HMGCLL1: variants seen among roughly 807,000 people sequenced by gnomAD.
HMGCLL1 encodes the protein 3-hydroxy-3-methylglutaryl-CoA lyase like 1.
Under a neutral mutation model 39.1 loss-of-function variants are expected in HMGCLL1, and 36 were observed. The ratio of observed to expected loss-of-function variants is 0.92; its 90% CI spans 0.71 to 1.22. The LOEUF (loss-of-function observed/expected upper bound fraction) is 1.22. HMGCLL1 is among the 50% of genes most tolerant of loss of function. The pLI is 0.00. For synonymous variants in HMGCLL1, 149 were observed against 144.0 expected (o/e 1.03, Z -0.25); for missense variants, 451 against 416.5 (o/e 1.08, Z -0.72).
the HMGCLL1 span, among the ~76,000 whole-genome samples, chr6:55,654,358 G>T: frequency 1.3e-5 from 2 of 150,822 alleles, no homozygotes. Context: ...TTTATCATTA[G>T]ATTAAACTTT....
chr6:55,666,078 C>T, the HMGCLL1 span, among the ~76,000 whole-genome samples: 1 of 151,598 alleles, frequency 6.6e-6, no homozygotes, highest in African/African-American at 2.4e-5. Flanking sequence ...TCCCTACGCT[C>T]ATAACTTTTC....
At chr6:55,577,249 C>T in intron 1 of HMGCLL1, 1 of 1,343,644 alleles carries the variant, frequency 7.4e-7, no homozygotes, top group Non-Finnish European at 1.0e-6. Flanking sequence ...GAAAAAATCA[C>T]AATTCAACAG....
At chr6:55,641,266 C>G in the HMGCLL1 span, among the ~76,000 whole-genome samples, 2 of 151,568 alleles carry the variant, frequency 1.3e-5, no homozygotes, top group Non-Finnish European at 1.5e-5. Flanking sequence ...TTAAAGCTAG[C>G]ATGTGTTGTA....
the HMGCLL1 span, among the ~76,000 whole-genome samples, chr6:55,661,297 AT>A: frequency 6.6e-6 from 1 of 151,854 alleles, no homozygotes; most frequent in Non-Finnish European, 1.5e-5. Flanking sequence ...GCCAGTTCCT[AT>A]TTCCAGAAGT....
intron 3 of HMGCLL1, among the ~76,000 whole-genome samples, chr6:55,529,575 G>T (rs1768522852): frequency 6.6e-6 from 1 of 152,030 alleles, no homozygotes. Flanking sequence ...TATAGATCCG[G>T]AGATCTCCGT....
At chr6:55,639,704 C>G in the HMGCLL1 span, among the ~76,000 whole-genome samples, 1 of 152,016 alleles carries the variant, frequency 6.6e-6, no homozygotes, top group African/African-American at 2.4e-5. Context: ...CAGTTTTATT[C>G]TAGTTTTCCT....
intron 1 of HMGCLL1, among the ~76,000 whole-genome samples, chr6:55,544,648 A>C (rs1044454033): frequency 6.6e-6 from 1 of 152,142 alleles, no homozygotes; most frequent in Non-Finnish European, 1.5e-5. Flanking sequence ...GGAACAAAAA[A>C]TATTCAAAGG....
At chr6:55,550,590 G>A (rs895937786) in intron 1 of HMGCLL1, among the ~76,000 whole-genome samples, 2 of 151,918 alleles carry the variant, frequency 1.3e-5, no homozygotes, top group Non-Finnish European at 2.9e-5. Context: ...AAGAAAATTA[G>A]TGCCAGGAGT....
At chr6:55,638,931 C>A in the HMGCLL1 span, among the ~76,000 whole-genome samples, 1 of 152,158 alleles carries the variant, frequency 6.6e-6, no homozygotes, top group South Asian at 2.1e-4. Flanking sequence ...GAATAACTTG[C>A]AAATTTAAAT....
intron 1 of HMGCLL1, among the ~76,000 whole-genome samples, chr6:55,559,617 G>A (rs1581949325): frequency 1.3e-5 from 2 of 152,138 alleles, no homozygotes; most frequent in South Asian, 4.1e-4. Context: ...CTGGACTTGA[G>A]CAAAAATTCA....
At chr6:55,503,344 C>T (rs540912920) in intron 5 of HMGCLL1, among the ~76,000 whole-genome samples, 1 of 151,892 alleles carries the variant, frequency 6.6e-6, no homozygotes, top group South Asian at 2.1e-4. Context: ...CTTAGCAGAA[C>T]ATTGAATTTT....
At chr6:55,459,495 A>G (rs757153320) in intron 7 of HMGCLL1, among the ~76,000 whole-genome samples, 12 of 152,080 alleles carry the variant, frequency 7.9e-5, no homozygotes, top group Admixed American at 2.0e-4. Flanking sequence ...AATAACGTCA[A>G]TGACAGAACT....
chr6:55,481,865 T>C (rs1156961735), intron 7 of HMGCLL1, among the ~76,000 whole-genome samples: 1 of 152,138 alleles, frequency 6.6e-6, no homozygotes, highest in Non-Finnish European at 1.5e-5. Flanking sequence ...GGTAAAGCAG[T>C]ATTAATATTT....
At chr6:55,443,077 A>T (rs964717066) in intron 7 of HMGCLL1, among the ~76,000 whole-genome samples, 1 of 103,254 alleles carries the variant, frequency 9.7e-6, no homozygotes, top group African/African-American at 4.3e-5. Flanking sequence ...TTCTCCCTAA[A>T]TTAATCAAAC....
At position 55,538,458 on chromosome 6, in the gene HMGCLL1, T is replaced by C. The variant is rs141538769; in HGVS notation, c.297+3271A>G. 5.8e-3 allele frequency among the ~76,000 whole-genome samples: 887 copies of C among 152,264 alleles called. 9 individuals are homozygous for C. The highest frequency in any genetic ancestry group is 0.02 in the African/African-American group (823 of 41,558). ...TGAAGATATAAAGACAATAAAAATG[T>C]CTAGAACTCTCTTAAAATTAATGGT... On this transcript the variant is annotated intron_variant, in intron 3 of 8. Coordinates refer to ENST00000274901, the MANE Select transcript of HMGCLL1 (RefSeq NM_001042406.2).
chr6:55,522,600 G>A (rs9396102), intron 3 of HMGCLL1, among the ~76,000 whole-genome samples: 51 of 152,018 alleles, frequency 3.4e-4, no homozygotes, highest in Middle Eastern at 3.4e-3. Context: ...CCGCTGCACC[G>A]GCCCTGAACA....
At chr6:55,465,913 T>G (rs1764779997) in intron 7 of HMGCLL1, among the ~76,000 whole-genome samples, 1 of 152,148 alleles carries the variant, frequency 6.6e-6, no homozygotes, top group Non-Finnish European at 1.5e-5. Flanking sequence ...TCCATGTATA[T>G]TCATCTATGC....
intron 3 of HMGCLL1, among the ~76,000 whole-genome samples, chr6:55,517,423 C>T (rs1767798072): frequency 6.6e-6 from 1 of 151,572 alleles, no homozygotes; most frequent in Admixed American, 6.6e-5. Flanking sequence ...GTGGCATGAA[C>T]AATAAATATG....
chr6:55,616,869 T>A, the HMGCLL1 span, among the ~76,000 whole-genome samples: 422 of 151,852 alleles, frequency 2.8e-3, 2 homozygotes, highest in Middle Eastern at 3.4e-3. Flanking sequence ...AACAAAAAAA[T>A]TAGATTATAA....
Sources: gnomAD v4.1 joint callset for allele counts (sites outside exome capture counted in the v4.1 genomes callset) on GRCh38, gnomAD v4.1.1 for gene constraint, MANE v1.5 for transcripts, NCBI Gene and HGNC (gene_info 2026-07-23, HGNC 2026-07-21) for gene names.